The following ADAM9 variants were observed in gnomAD, a reference collection of about 807,000 sequenced individuals.
ADAM9 encodes the protein disintegrin and metalloproteinase domain-containing protein 9.
In ADAM9, 54 loss-of-function variants were observed where a neutral mutation model predicts 108.1. That is an observed-to-expected ratio of 0.50 (90% confidence interval 0.40 to 0.63). ADAM9 has a LOEUF of 0.63. Among genes scored for constraint, ADAM9 ranks in the 20% least tolerant of loss-of-function variants. The pLI, the probability that ADAM9 is intolerant of heterozygous loss-of-function variation, is 0.00. For missense variants in ADAM9, 830 were observed against 997.7 expected (o/e 0.83, Z 2.26); for synonymous variants, 316 against 336.0 (o/e 0.94, Z 0.65).
intron 1 of ADAM9, among the ~76,000 whole-genome samples, chr8:39,003,307 G>A (rs1836060719): frequency 1.3e-5 from 2 of 152,084 alleles, no homozygotes; most frequent in African/African-American, 4.8e-5. Flanking sequence ...TCACAACTGG[G>A]GGATGCTGTT....
intron 12 of ADAM9, among the ~76,000 whole-genome samples, chr8:39,046,971 A>G (rs889464679): frequency 2.0e-5 from 3 of 152,048 alleles, no homozygotes; most frequent in African/African-American, 7.2e-5. Context: ...GTTTTGCTAC[A>G]TTGCCTAGAC....
chr8:39,056,111 T>C (rs960516761), intron 14 of ADAM9, among the ~76,000 whole-genome samples: 11 of 151,926 alleles, frequency 7.2e-5, no homozygotes, highest in Admixed American at 1.3e-4. Flanking sequence ...TCTATATTGA[T>C]ATATTTATAT....
intron 16 of ADAM9, among the ~76,000 whole-genome samples, chr8:39,079,594 ATTT>A (rs397786496): frequency 3.5e-5 from 5 of 142,192 alleles, no homozygotes; most frequent in Non-Finnish European, 3.1e-5. Flanking sequence ...AATATCATGA[ATTT>A]TTTTTTTTTT....
At chr8:39,091,054 G>A (rs1839338056) in intron 19 of ADAM9, among the ~76,000 whole-genome samples, 1 of 152,130 alleles carries the variant, frequency 6.6e-6, no homozygotes, top group Non-Finnish European at 1.5e-5. Flanking sequence ...TATAAAATGT[G>A]GTTAGTAATG....
At chr8:39,094,373 C>T (rs1839438978) in intron 20 of ADAM9, among the ~76,000 whole-genome samples, 1 of 152,088 alleles carries the variant, frequency 6.6e-6, no homozygotes, top group Non-Finnish European at 1.5e-5. Flanking sequence ...AGGATATTGG[C>T]CTGTAATTTT....
intron 12 of ADAM9, among the ~76,000 whole-genome samples, chr8:39,045,284 ATG>A (rs200285020): frequency 3.6e-4 from 34 of 93,804 alleles, no homozygotes; most frequent in African/African-American, 1.3e-3. Flanking sequence ...ACATATGTAT[ATG>A]TGTGTGTACA....
In ADAM9 at chr8:39,040,237, C is replaced by T. The variant is rs113180967; in HGVS notation, c.1131-1709C>T. Among the ~76,000 whole-genome samples the T allele has an allele frequency of 8.1e-3, 1,225 of 152,104 alleles. 24 individuals are homozygous for T. The highest frequency in any genetic ancestry group is 0.028 in the African/African-American group (1,158 of 41,500). The stretch of plus-strand genomic sequence containing the variant: ...GCTAATTTTTGTATTTTAGTAGAGA[C>T]GGGGTTTTACCATGTTGGCCAGGCT... On this transcript the variant is annotated intron_variant, in intron 11 of 21. Transcript: ENST00000487273.
intron 12 of ADAM9, among the ~76,000 whole-genome samples, chr8:39,048,949 C>A (rs909305903): frequency 2.0e-5 from 3 of 149,178 alleles, no homozygotes; most frequent in African/African-American, 7.4e-5. Flanking sequence ...TCACTTTCAG[C>A]CTATATATGT....
Position 39,054,473 on chromosome 8 carries a change from G to A in ADAM9, c.1303-8G>A, listed in dbSNP as rs1838052110. The stretch of plus-strand genomic sequence containing the variant: ...ATTTCTTTATTGACAGTCATTTTAT[G>A]TTCACAGGAATGTGAATTGGACCCT... On this transcript the variant is annotated splice_region_variant and splice_polypyrimidine_tract_variant and intron_variant, in intron 12 of 21. Coordinates refer to ENST00000487273, the MANE Select transcript of ADAM9 (RefSeq NM_003816.3). 1 of 1,609,196 alleles carries A rather than the reference G, an allele frequency of 6.2e-7. No individual in the cohort carries two copies. Among genetic ancestry groups the A allele is most frequent in the South Asian group, 1.1e-5 (1 of 90,998 alleles).
chr8:39,095,297 G>A (rs1482707313), intron 20 of ADAM9, among the ~76,000 whole-genome samples: 1 of 152,094 alleles, frequency 6.6e-6, no homozygotes, highest in Non-Finnish European at 1.5e-5. Flanking sequence ...GTGTTTGGTT[G>A]AAAAATATCT....
intron 11 of ADAM9, among the ~76,000 whole-genome samples, chr8:39,033,838 C>T (rs1837181119): frequency 6.6e-6 from 1 of 151,998 alleles, no homozygotes; most frequent in Admixed American, 6.6e-5. Flanking sequence ...TATTTGTCTT[C>T]TTTTATGGTT....
At chr8:39,093,352 C>T (rs982846762) in intron 20 of ADAM9, among the ~76,000 whole-genome samples, 2 of 151,978 alleles carry the variant, frequency 1.3e-5, no homozygotes, top group Non-Finnish European at 2.9e-5. Context: ...TTTTTGATGT[C>T]ATTCTAAATG....
chr8:39,011,665 AT>A lies in ADAM9; in HGVS notation c.204del (p.Tyr68Ter). 6.2e-7 allele frequency: 1 copy of A among 1,610,538 alleles called. No homozygotes were observed. Among genetic ancestry groups the A allele is most frequent in the Non-Finnish European group, 8.5e-7 (1 of 1,176,900 alleles). ...CCCCTTCTGTGCATTTAGGTATCTT[AT>A]GTTATTCAGGCTGAAGGAAAAGAGC... is the stretch of plus-strand genomic sequence containing the variant. The part of the protein sequence containing the change: ...APRPYSKQVS[Y>X]VIQAEGKEHI... On this transcript the variant is annotated frameshift_variant, in exon 3 of 22. Coordinates refer to ENST00000487273, the MANE Select transcript of ADAM9 (RefSeq NM_003816.3). LOFTEE classifies it high-confidence loss of function.
At chr8:39,026,588 T>G in intron 10 of ADAM9, 89 bp from the exon 11 acceptor site, 1 of 1,549,192 alleles carries the variant, frequency 6.5e-7, no homozygotes, top group South Asian at 1.1e-5. Flanking sequence ...GTGTAGTGAA[T>G]AAATTTCCTT....
intron 9 of ADAM9, among the ~76,000 whole-genome samples, chr8:39,023,719 C>CTTTGAG (rs1306465605): frequency 1.4e-5 from 2 of 139,108 alleles, no homozygotes; most frequent in African/African-American, 5.4e-5. Context: ...CCTAGGCATG[C>CTTTGAG]TTTGAGTTTC....
At chr8:39,078,519 T>C (rs1838921195) in intron 16 of ADAM9, among the ~76,000 whole-genome samples, 2 of 152,276 alleles carry the variant, frequency 1.3e-5, no homozygotes, top group South Asian at 4.1e-4. Flanking sequence ...CGGTGGCTCA[T>C]GCCTGTAATC....
intron 14 of ADAM9, among the ~76,000 whole-genome samples, chr8:39,066,582 C>T (rs1435434330): frequency 6.6e-6 from 1 of 152,142 alleles, no homozygotes; most frequent in African/African-American, 2.4e-5. Flanking sequence ...CTCCTTTGCC[C>T]ACTTTTTGAT....
intron 20 of ADAM9, among the ~76,000 whole-genome samples, chr8:39,096,885 C>T (rs1839523128): frequency 1.3e-5 from 2 of 152,222 alleles, no homozygotes; most frequent in East Asian, 1.9e-4. Context: ...TTTGTTCATA[C>T]ATCATTTTCC....
intron 7 of ADAM9, among the ~76,000 whole-genome samples, chr8:39,019,857 T>TTA (rs1448347347): frequency 1.3e-5 from 2 of 152,190 alleles, no homozygotes; most frequent in Non-Finnish European, 2.9e-5. Context: ...GATTTGTACA[T>TTA]TATAGGTTCA....
Sources: gnomAD v4.1 joint callset for allele counts (sites outside exome capture counted in the v4.1 genomes callset) on GRCh38, gnomAD v4.1.1 for gene constraint, MANE v1.5 for transcripts, NCBI Gene and HGNC (gene_info 2026-07-23, HGNC 2026-07-21) for gene names.